Variants in AP1G1 observed in about 807,000 individuals in gnomAD.
The protein encoded by AP1G1 is adaptor related protein complex 1 subunit gamma 1, also known as AP-1 complex subunit gamma-1.
AP1G1 carries 7 observed loss-of-function variants against 108.3 expected under a neutral mutation model. That is an observed-to-expected ratio of 0.06 (90% CI 0.04 to 0.12). AP1G1 has a LOEUF of 0.12. Ranked by LOEUF, AP1G1 falls within the 10% of genes least tolerant of loss-of-function variation. The pLI is 1.00. For synonymous variants in AP1G1, 379 were observed against 353.5 expected, an observed-to-expected ratio of 1.07 and a Z score of -0.81; for missense variants, 756 against 1,010.7, an observed-to-expected ratio of 0.75 and a Z score of 3.42.
chr16:71,763,263 A>C (rs1290227774), intron 9 of AP1G1, among the ~76,000 whole-genome samples: 1 of 152,188 alleles, frequency 6.6e-6, no homozygotes, highest in Non-Finnish European at 1.5e-5. Flanking sequence ...AAGTAGAAAA[A>C]ACATTTTGGG....
chr16:71,792,369 G>A (rs1262888527), intron 1 of AP1G1, among the ~76,000 whole-genome samples: 1 of 152,042 alleles, frequency 6.6e-6, no homozygotes, highest in African/African-American at 2.4e-5. Context: ...GTGGAGAAGG[G>A]CAATGACAAA....
intron 19 of AP1G1, among the ~76,000 whole-genome samples, chr16:71,739,574 C>A (rs1473277139): frequency 6.6e-6 from 1 of 151,672 alleles, no homozygotes; most frequent in Non-Finnish European, 1.5e-5. Flanking sequence ...CATGGCGAGA[C>A]CCTGTCTCTA....
intron 22 of AP1G1, 142 bp downstream of exon 22, chr16:71,734,467 A>G: frequency 2.9e-6 from 2 of 686,350 alleles, no homozygotes; most frequent in Non-Finnish European, 5.1e-6. Context: ...TTTACAAAAG[A>G]GCAAGGAAGT....
intron 2 of AP1G1, among the ~76,000 whole-genome samples, chr16:71,781,873 T>G (rs537561463): frequency 6.6e-6 from 1 of 152,226 alleles, no homozygotes; most frequent in Non-Finnish European, 1.5e-5. Flanking sequence ...ATTCAGACTT[T>G]TCAGGTTTTG....
At chr16:71,773,098 A>G (rs1165783525) in intron 4 of AP1G1, 123 bp downstream of exon 4, 4 of 1,053,236 alleles carry the variant, frequency 3.8e-6, no homozygotes, top group Non-Finnish European at 5.7e-6. Context: ...CATGTAAAAC[A>G]GATTTACTAC....
At chr16:71,803,497 C>T (rs1191873320) in intron 1 of AP1G1, among the ~76,000 whole-genome samples, 1 of 152,158 alleles carries the variant, frequency 6.6e-6, no homozygotes, top group Non-Finnish European at 1.5e-5. Context: ...GCTGACTCAA[C>T]ACATTTGGCA....
intron 7 of AP1G1, 24 bp downstream of exon 7, chr16:71,765,465 T>C: frequency 6.5e-7 from 1 of 1,530,556 alleles, no homozygotes; most frequent in East Asian, 2.3e-5. Flanking sequence ...ATAACATTTA[T>C]TTAAAACGTT....
chr16:71,748,233 T>C lies in AP1G1; in HGVS notation c.1625+18A>G, dbSNP rs1259202865. 1 of 1,605,392 alleles carries C rather than the reference T, an allele frequency of 6.2e-7. No homozygotes were observed. The highest frequency in any genetic ancestry group is 1.3e-5 in the African/African-American group (1 of 74,412). The stretch of plus-strand genomic sequence containing the variant: ...ATTACAAAACAACCTGTTCACCCTA[T>C]GTTTCTTCAATACTCACTTTACAGT... On this transcript the variant is annotated intron_variant, in intron 16 of 22. Coordinates refer to ENST00000299980, the MANE Select transcript of AP1G1 (RefSeq NM_001128.6).
At chr16:71,784,112 A>G (rs2032117985) in intron 2 of AP1G1, among the ~76,000 whole-genome samples, 1 of 152,218 alleles carries the variant, frequency 6.6e-6, no homozygotes, top group Non-Finnish European at 1.5e-5. Flanking sequence ...AATCTCTTAG[A>G]ATTCAGTGCT....
At chr16:71,751,669 T>C (rs2030515555) in intron 13 of AP1G1, among the ~76,000 whole-genome samples, 1 of 152,146 alleles carries the variant, frequency 6.6e-6, no homozygotes, top group African/African-American at 2.4e-5. Flanking sequence ...ATCAGGGTGA[T>C]CTAATGGGTT....
intron 6 of AP1G1, among the ~76,000 whole-genome samples, chr16:71,768,574 G>A (rs2031419859): frequency 1.3e-5 from 2 of 148,902 alleles, no homozygotes; most frequent in East Asian, 2.0e-4. Flanking sequence ...GTCCTAAAAC[G>A]AACAGTAGAG....
chr16:71,771,210 G>A lies in AP1G1; in HGVS notation c.511C>T (p.Leu171Phe). 6.2e-7 allele frequency: 1 copy of A among 1,609,300 alleles called. No homozygotes were observed. The highest frequency in any genetic ancestry group is 8.5e-7 in the Non-Finnish European group (1 of 1,178,618). Residue 171 changes from leucine (L) to phenylalanine (F), a missense_variant, in exon 5 of 23, where the codon CTT becomes TTT. Physicochemically the swap from Leu to Phe is conservative, Grantham distance 22 (BLOSUM62 0). Transcript: ENST00000299980. ...GTTGCTGGTAAAAACATCTCCATAAGTTCAGGAACTTTCCTGATGACATGA... is the reference window on the plus strand; with the variant it reads ...GTTGCTGGTAAAAACATCTCCATAAATTCAGGAACTTTCCTGATGACATGA... ...AVHVIRKVPELMEMFLPATKN... is the reference protein window; with the variant it reads ...AVHVIRKVPEFMEMFLPATKN...
At chr16:71,798,932 C>T (rs754372436) in intron 1 of AP1G1, among the ~76,000 whole-genome samples, 16 of 151,150 alleles carry the variant, frequency 1.1e-4, no homozygotes, top group East Asian at 1.9e-4. Flanking sequence ...GAAAAATACA[C>T]GTGCCATATA....
rs954974877 is a variant in AP1G1 at position 71,793,084 on chromosome 16, A to G, written c.-3-3602T>C. Among the ~76,000 whole-genome samples, 3 of 151,480 alleles carry G rather than the reference A, an allele frequency of 2.0e-5. No individual in the cohort carries two copies. The South Asian group carries it at 6.2e-4, about 32-fold the overall frequency. ...CTTGGGAGGCTGAGGTGGGAGGATG[A>G]CCTGAGCCTAGGAGTGAGGCTGCAG... On this transcript the variant is annotated intron_variant, in intron 1 of 22. Transcript: ENST00000299980.
At chr16:71,758,312 T>C in intron 11 of AP1G1, 2 of 435,298 alleles carry the variant, frequency 4.6e-6, no homozygotes, top group Non-Finnish European at 4.7e-6. Context: ...TTTTTGAGAG[T>C]GCTACCTGCT....
intron 1 of AP1G1, chr16:71,808,538 G>C: frequency 2.3e-6 from 3 of 1,284,388 alleles, no homozygotes; most frequent in Non-Finnish European, 3.0e-6. Flanking sequence ...GAACGCCGCG[G>C]CGCGCGGAAC....
At chr16:71,738,217 A>ATTT (rs61059579) in intron 21 of AP1G1, among the ~76,000 whole-genome samples, 1 of 144,302 alleles carries the variant, frequency 6.9e-6, no homozygotes, top group Non-Finnish European at 1.5e-5. Context: ...CGCCCGGCTA[A>ATTT]TTTTTTTTTT....
At chr16:71,775,549 A>G (rs1268440739) in intron 2 of AP1G1, among the ~76,000 whole-genome samples, 1 of 152,190 alleles carries the variant, frequency 6.6e-6, no homozygotes, top group Non-Finnish European at 1.5e-5. Flanking sequence ...CCCAAGTTAC[A>G]TTAAATGAGC....
intron 15 of AP1G1, among the ~76,000 whole-genome samples, chr16:71,749,518 T>C (rs1277233197): frequency 6.6e-6 from 1 of 151,616 alleles, no homozygotes; most frequent in African/African-American, 2.4e-5. Context: ...AATGGCTCAA[T>C]AAGTTCCATC....
Sources: gnomAD v4.1 joint callset for allele counts (sites outside exome capture counted in the v4.1 genomes callset) on GRCh38, gnomAD v4.1.1 for gene constraint, MANE v1.5 for transcripts, NCBI Gene and HGNC (gene_info 2026-07-23, HGNC 2026-07-21) for gene names.